Variants in ARHGAP26 observed in about 807,000 individuals in gnomAD.
The protein encoded by ARHGAP26 is rho GTPase-activating protein 26.
ARHGAP26 carries 38 observed loss-of-function variants against 104.8 expected under a neutral mutation model. The observed-to-expected ratio is 0.36, with a 90% CI of 0.28 to 0.48. ARHGAP26 has a LOEUF of 0.48. Ranked by LOEUF, ARHGAP26 falls within the 20% of genes least tolerant of loss-of-function variation. The pLI is 0.99. For synonymous variants in ARHGAP26, 341 were observed against 340.0 expected (o/e 1.00, Z -0.03); for missense variants, 704 against 947.9 (o/e 0.74, Z 3.38).
intron 11 of ARHGAP26, chr5:142,946,550 C>T (rs747074756): frequency 2.7e-4 from 41 of 152,236 alleles, no homozygotes; most frequent in Admixed American, 1.2e-3. Flanking sequence ...TCAATTTCTG[C>T]AGCTTTTTCT....
intron 3 of ARHGAP26, among the ~76,000 whole-genome samples, chr5:142,877,053 G>A (rs1400934386): frequency 6.6e-6 from 1 of 152,144 alleles, no homozygotes; most frequent in Non-Finnish European, 1.5e-5. Flanking sequence ...GGGTGGGGGT[G>A]TGGCAAGCAA....
At chr5:143,127,886 T>C (rs1599137855) in intron 18 of ARHGAP26, among the ~76,000 whole-genome samples, 1 of 152,270 alleles carries the variant, frequency 6.6e-6, no homozygotes, top group South Asian at 2.1e-4. Context: ...GACTGGATGC[T>C]TCACTATGTT....
At chr5:142,807,653 A>G (rs1763238876) in intron 1 of ARHGAP26, among the ~76,000 whole-genome samples, 1 of 152,132 alleles carries the variant, frequency 6.6e-6, no homozygotes, top group Middle Eastern at 3.2e-3. Flanking sequence ...TTTTGTTGAT[A>G]CATTCCCAGA....
At chr5:142,793,946 G>A (rs1345826794) in intron 1 of ARHGAP26, among the ~76,000 whole-genome samples, 2 of 152,118 alleles carry the variant, frequency 1.3e-5, no homozygotes, top group African/African-American at 2.4e-5. Context: ...CACACCAAAC[G>A]GTATTTTCCA....
chr5:143,012,148 T>TTTA (rs1778842319), intron 11 of ARHGAP26, among the ~76,000 whole-genome samples: 1 of 152,202 alleles, frequency 6.6e-6, no homozygotes, highest in Non-Finnish European at 1.5e-5. Flanking sequence ...GACAATCCTC[T>TTTA]TTAAGTACAG....
intron 11 of ARHGAP26, among the ~76,000 whole-genome samples, chr5:142,942,476 A>G (rs1406278226): frequency 6.6e-6 from 1 of 152,246 alleles, no homozygotes; most frequent in East Asian, 1.9e-4. Context: ...CTATACAGTA[A>G]TGCTACATGG....
chr5:143,081,256 CTACA>C (rs928655705), intron 17 of ARHGAP26, among the ~76,000 whole-genome samples: 2 of 151,932 alleles, frequency 1.3e-5, no homozygotes, highest in African/African-American at 4.8e-5. Context: ...TCCTGGGGCT[CTACA>C]GCATTTAGAA....
intron 1 of ARHGAP26, among the ~76,000 whole-genome samples, chr5:142,785,343 C>T (rs1758360342): frequency 6.6e-6 from 1 of 152,226 alleles, no homozygotes; most frequent in Admixed American, 6.5e-5. Context: ...GTTCCAACAC[C>T]AGGATGTTCC....
At chr5:143,200,663 G>C (rs1807566829) in intron 20 of ARHGAP26, among the ~76,000 whole-genome samples, 1 of 152,150 alleles carries the variant, frequency 6.6e-6, no homozygotes, top group African/African-American at 2.4e-5. Context: ...AATTATGTAT[G>C]GTTGTATTTC....
At chr5:143,108,955 G>A (rs1401628588) in intron 17 of ARHGAP26, among the ~76,000 whole-genome samples, 4 of 152,216 alleles carry the variant, frequency 2.6e-5, no homozygotes. Context: ...CATGGCTAAG[G>A]GCCAGTCCCT....
chr5:142,831,505 T>A (rs902035434), intron 1 of ARHGAP26, among the ~76,000 whole-genome samples: 11 of 152,200 alleles, frequency 7.2e-5, no homozygotes, highest in Non-Finnish European at 1.0e-4. Flanking sequence ...TGGCTTGATT[T>A]CTAGGGTTCC....
At position 143,081,823 on chromosome 5, in the gene ARHGAP26, C is replaced by T. The variant is rs556487849; in HGVS notation, c.1538+24076C>T. ...GGTCAGGAGTTCGAGACCATCCTGCCGAACACAGTGAAACCCCGTCTCTAC... is the reference window on the plus strand; with the variant it reads ...GGTCAGGAGTTCGAGACCATCCTGCTGAACACAGTGAAACCCCGTCTCTAC... On this transcript the variant is annotated intron_variant, in intron 17 of 22. Transcript: ENST00000645722. 1.7e-4 allele frequency among the ~76,000 whole-genome samples: 26 copies of T among 152,166 alleles called. No homozygotes were observed. In the South Asian group the frequency reaches 2.9e-3, roughly 17 times the overall value.
At chr5:143,120,724 ATAGT>A (rs1796032065) in intron 17 of ARHGAP26, among the ~76,000 whole-genome samples, 2 of 152,222 alleles carry the variant, frequency 1.3e-5, no homozygotes, top group South Asian at 4.1e-4. Flanking sequence ...AATTTGGCAG[ATAGT>A]TGCTTTGGTT....
At chr5:143,134,362 C>G (rs1288406951) in intron 19 of ARHGAP26, among the ~76,000 whole-genome samples, 1 of 152,174 alleles carries the variant, frequency 6.6e-6, no homozygotes, top group Admixed American at 6.5e-5. Flanking sequence ...ACAGCTGAGT[C>G]TCTTTTCCTC....
At chr5:143,088,470 T>TAA (rs11373777) in intron 17 of ARHGAP26, among the ~76,000 whole-genome samples, 135 of 146,324 alleles carry the variant, frequency 9.2e-4, no homozygotes, top group African/African-American at 3.1e-3. Flanking sequence ...ACCAAATTGT[T>TAA]AAAAAAAAAA....
intron 21 of ARHGAP26, among the ~76,000 whole-genome samples, chr5:143,213,105 A>G (rs987325794): frequency 1.3e-5 from 2 of 152,152 alleles, no homozygotes; most frequent in African/African-American, 2.4e-5. Flanking sequence ...AGATCGCACC[A>G]CTGCACTCCA....
At chr5:142,934,408 A>G (rs1765135144) in intron 11 of ARHGAP26, among the ~76,000 whole-genome samples, 1 of 152,226 alleles carries the variant, frequency 6.6e-6, no homozygotes, top group African/African-American at 2.4e-5. Context: ...GCTTGCACTG[A>G]AAACCACACT....
chr5:142,891,867 A>T (rs1398805282), intron 5 of ARHGAP26, among the ~76,000 whole-genome samples: 1 of 151,952 alleles, frequency 6.6e-6, no homozygotes, highest in East Asian at 1.9e-4. Context: ...CTTTCAGTGT[A>T]ATTATCTGCT....
At chr5:143,048,771 A>G (rs181645507) in intron 14 of ARHGAP26, among the ~76,000 whole-genome samples, 243 of 151,518 alleles carry the variant, frequency 1.6e-3, no homozygotes, top group Non-Finnish European at 2.9e-3. Flanking sequence ...AAAATTAGCC[A>G]GGCGTGGTGG....
Sources: gnomAD v4.1 joint callset for allele counts (sites outside exome capture counted in the v4.1 genomes callset) on GRCh38, gnomAD v4.1.1 for gene constraint, MANE v1.5 for transcripts, NCBI Gene and HGNC (gene_info 2026-07-23, HGNC 2026-07-21) for gene names.